Variants in SETX observed in about 807,000 individuals in gnomAD.
SETX encodes senataxin.
In SETX, 90 loss-of-function variants were observed where a neutral mutation model predicts 227.2. That is an observed-to-expected ratio of 0.40 (90% confidence interval 0.33 to 0.47). SETX has a LOEUF of 0.47. Among genes scored for constraint, SETX ranks in the 20% least tolerant of loss-of-function variants. The pLI, the probability that SETX is intolerant of heterozygous loss-of-function variation, is 0.91. For synonymous variants in SETX, 1,210 were observed against 1,113.2 expected (o/e 1.09, Z -1.73); for missense variants, 3,052 against 3,181.5 (o/e 0.96, Z 0.98).
In SETX at chr9:132,271,730, A is replaced by G. The variant is rs766859824; in HGVS notation, c.7179T>C (p.Asn2393=). 5.6e-6 allele frequency: 9 copies of G among 1,613,938 alleles called. No individual in the cohort carries two copies. Among genetic ancestry groups the G allele is most frequent in the Middle Eastern group, 1.6e-4 (1 of 6,062 alleles). The part of the protein sequence containing the change: ...DCVIVTCVRA[N]SIQGSIGFLA... ...CTCACCCAATTGAACCTTGGATGCT[A>G]TTTGCTCTGACACACGTAACAATAA... Residue 2393 remains asparagine (N), a synonymous_variant, in exon 24 of 26, where the codon AAT becomes AAC. Coordinates refer to ENST00000224140, the MANE Select transcript of SETX (RefSeq NM_015046.7).
At chr9:132,272,466 A>G (rs1466337417) in intron 23 of SETX, among the ~76,000 whole-genome samples, 1 of 148,958 alleles carries the variant, frequency 6.7e-6, no homozygotes. Context: ...CTTTATTTTT[A>G]AAGAAACTTA....
At chr9:132,325,403 G>A (rs10901163) in intron 10 of SETX, among the ~76,000 whole-genome samples, 21,545 of 152,072 alleles carry the variant, frequency 0.14, 2,167 homozygotes, top group East Asian at 0.43. Context: ...GAAGTCTGAC[G>A]TGTAGGGAAA....
At chr9:132,292,515 A>G (rs1380560559) in intron 15 of SETX, among the ~76,000 whole-genome samples, 2 of 151,712 alleles carry the variant, frequency 1.3e-5, no homozygotes, top group South Asian at 2.1e-4. Flanking sequence ...TAAAAAAAAG[A>G]CAACAAATAA....
intron 10 of SETX, among the ~76,000 whole-genome samples, chr9:132,325,160 T>C (rs185858455): frequency 6.6e-6 from 1 of 151,830 alleles, no homozygotes; most frequent in Non-Finnish European, 1.5e-5. Context: ...ATTGAGACCA[T>C]CCTGGCTAAC....
At chr9:132,265,232 T>TG (rs1279256212) in intron 25 of SETX, among the ~76,000 whole-genome samples, 2 of 146,668 alleles carry the variant, frequency 1.4e-5, no homozygotes, top group Admixed American at 6.7e-5. Context: ...TTGTTTTTTT[T>TG]TTTTTTTTTT....
chr9:132,264,590 C>T lies in SETX; in HGVS notation c.7683G>A (p.Ser2561=). 3 of 1,614,110 alleles carry T rather than the reference C, an allele frequency of 1.9e-6. No homozygotes were observed. Among genetic ancestry groups the T allele is most frequent in the South Asian group, 2.2e-5 (2 of 91,084 alleles). Residue 2561 remains serine (S), a synonymous_variant, in exon 26 of 26, where the codon TCG becomes TCA. Transcript: ENST00000224140. ...GTGTTGCTCCAGGATGCTGGGGGCTCGAGGGTTGTGGATCCCAAAGGAATA... is the reference window on the plus strand; with the variant it reads ...GTGTTGCTCCAGGATGCTGGGGGCTTGAGGGTTGTGGATCCCAAAGGAATA... ...GGIFLWDPQP[S]SPQHPGATPP...
At chr9:132,271,494 G>A (rs954419026) in intron 24 of SETX, among the ~76,000 whole-genome samples, 23 of 152,200 alleles carry the variant, frequency 1.5e-4, no homozygotes, top group Non-Finnish European at 2.5e-4. Flanking sequence ...GAACCCAGGA[G>A]GTGGAGGATG....
chr9:132,305,211 G>A (rs141679189), intron 11 of SETX, among the ~76,000 whole-genome samples: 15,899 of 150,954 alleles, frequency 0.11, 930 homozygotes, highest in East Asian at 0.24. Context: ...AAAATTAGCC[G>A]GGCATGGTGG....
chr9:132,328,287 T>G lies in SETX; in HGVS notation c.3311A>C (p.Gln1104Pro), dbSNP rs777787438. The G allele has an allele frequency of 8.7e-6, 14 of 1,614,078 alleles. No individual in the cohort carries two copies. Among genetic ancestry groups the G allele is most frequent in the Non-Finnish European group, 1.2e-5 (14 of 1,180,006 alleles). ...QDHPDDNNSV[Q>P]DGEKKCLAPI... ...AGCCAAACATTTTTTCTCACCATCTTGAACTGAATTATTATCGTCTGGATG... is the reference window on the plus strand; with the variant it reads ...AGCCAAACATTTTTTCTCACCATCTGGAACTGAATTATTATCGTCTGGATG... Residue 1104 changes from glutamine to proline, a missense_variant, in exon 10 of 26, where the codon CAA (glutamine) becomes CCA (proline). Physicochemically the swap from Gln to Pro is moderately conservative, Grantham distance 76. This residue lies in a region of SETX where 1,483 missense variants were observed against 1,312.0 expected (regional missense o/e 1.13). Transcript: ENST00000224140.
chr9:132,333,398 G>GAAAA (rs1204669172), intron 7 of SETX, among the ~76,000 whole-genome samples: 1 of 33,228 alleles, frequency 3.0e-5, no homozygotes, highest in Non-Finnish European at 5.0e-5. Flanking sequence ...AAAAAAAAAA[G>GAAAA]AAAAAAAAAA....
intron 10 of SETX, among the ~76,000 whole-genome samples, chr9:132,325,750 T>C (rs991118672): frequency 2.0e-5 from 3 of 152,020 alleles, no homozygotes; most frequent in South Asian, 2.1e-4. Context: ...CTGACCAACA[T>C]GGTGAAACCC....
intron 13 of SETX, 133 bp downstream of exon 13, chr9:132,297,947 A>C (rs1844766436): frequency 2.6e-6 from 2 of 772,880 alleles, no homozygotes; most frequent in Non-Finnish European, 4.3e-6. Flanking sequence ...TGCAATACTA[A>C]AGAAAACTAA....
In SETX at chr9:132,300,705, T is replaced by C. The variant is rs151046729; in HGVS notation, c.5473A>G (p.Thr1825Ala). The change falls in exon 12 of 26, where the codon ACA becomes GCA. Residue 1825 changes from threonine to alanine, a missense_variant. Physicochemically the swap from Thr to Ala is moderately conservative, Grantham distance 58 (BLOSUM62 0). Coordinates refer to ENST00000224140, the MANE Select transcript of SETX (RefSeq NM_015046.7). Reference sequence around the variant, plus strand: ...AGATCTTGTATGTCATTTCTCTCTGTATCTTTCTTCTCTTCATTTATTCTC... The same window carrying C: ...AGATCTTGTATGTCATTTCTCTCTGCATCTTTCTTCTCTTCATTTATTCTC... ...PERINEEKKD[T>A]ERNDIQDLHE... 1.0e-4 allele frequency: 167 copies of C among 1,613,652 alleles called. 1 individual carries two copies. In the African/African-American group the frequency reaches 2.0e-3, roughly 19 times the overall value.
At chr9:132,302,647 T>A (rs1243072501) in intron 11 of SETX, among the ~76,000 whole-genome samples, 3 of 105,910 alleles carry the variant, frequency 2.8e-5, no homozygotes, top group African/African-American at 1.2e-4. Context: ...GCAACAAGAG[T>A]GAGACTTTGT....
chr9:132,272,746 G>A (rs1842959695), intron 23 of SETX, among the ~76,000 whole-genome samples: 1 of 152,210 alleles, frequency 6.6e-6, no homozygotes, highest in African/African-American at 2.4e-5. Flanking sequence ...ATTACAAAAT[G>A]TGATTATTTG....
At chr9:132,311,646 T>C in intron 11 of SETX, 111 bp downstream of exon 11, 1 of 757,158 alleles carries the variant, frequency 1.3e-6, no homozygotes. Context: ...AAGTCACAAA[T>C]TTAGCTTAGA....
chr9:132,353,234 T>C (rs939748029), intron 2 of SETX, among the ~76,000 whole-genome samples: 1 of 152,178 alleles, frequency 6.6e-6, no homozygotes, highest in African/African-American at 2.4e-5. Flanking sequence ...CTTACCTCCC[T>C]TGACTTGCTC....
At chr9:132,354,312 C>T (rs531651047) in intron 1 of SETX, among the ~76,000 whole-genome samples, 12 of 152,104 alleles carry the variant, frequency 7.9e-5, no homozygotes, top group Admixed American at 4.6e-4. Flanking sequence ...GGAAACACAG[C>T]CAGGCCCTGT....
rs111350618 is a variant in SETX, at chr9:132,321,258, G to A, written c.5274+5066C>T. On this transcript the variant is annotated intron_variant, in intron 10 of 25. Coordinates refer to ENST00000224140, the MANE Select transcript of SETX (RefSeq NM_015046.7). Reference sequence around the variant, plus strand: ...TGGGAGGCCGGGCGCGGTGGCTCACGCCTGTAATCCCAGCACTTTGGGAGG... The same window carrying A: ...TGGGAGGCCGGGCGCGGTGGCTCACACCTGTAATCCCAGCACTTTGGGAGG... Among the ~76,000 whole-genome samples the A allele has an allele frequency of 2.8e-3, 424 of 152,024 alleles. 4 individuals carry two copies. Among genetic ancestry groups the A allele is most frequent in the African/African-American group, 9.9e-3 (413 of 41,514 alleles).
Sources: gnomAD v4.1 joint callset for allele counts (sites outside exome capture counted in the v4.1 genomes callset) on GRCh38, gnomAD v4.1.1 for gene constraint, gnomAD v4.1.1 regional missense constraint, MANE v1.5 for transcripts, NCBI Gene and HGNC (gene_info 2026-07-23, HGNC 2026-07-21) for gene names.